Variants in TARP observed in about 807,000 individuals in gnomAD.
chr7:38,273,500 A>C, the TARP span: 1 of 1,096,268 alleles, frequency 9.1e-7, no homozygotes, highest in East Asian at 2.4e-5. Flanking sequence ...ATTAGTGACC[A>C]AGGAGGGAAT....
the TARP span, among the ~76,000 whole-genome samples, chr7:38,263,254 T>C: frequency 2.0e-5 from 3 of 151,976 alleles, no homozygotes; most frequent in Admixed American, 2.0e-4. Context: ...AAGTGAGTTG[T>C]ATTATGTATG....
At chr7:38,264,674 T>C in the TARP span, among the ~76,000 whole-genome samples, 9 of 151,650 alleles carry the variant, frequency 5.9e-5, no homozygotes, top group Non-Finnish European at 1.2e-4. Context: ...CTGTATAATA[T>C]TCACTGCCTT....
At chr7:38,272,819 CTACAATTCTCAT>C in the TARP span, among the ~76,000 whole-genome samples, 1 of 151,098 alleles carries the variant, frequency 6.6e-6, no homozygotes, top group East Asian at 1.9e-4. Context: ...AATTTGATTG[CTACAATTCTCAT>C]TAAGTCAATT....
chr7:38,267,044 A>T, the TARP span, among the ~76,000 whole-genome samples: 1 of 151,842 alleles, frequency 6.6e-6, no homozygotes, highest in Non-Finnish European at 1.5e-5. Flanking sequence ...TGTATTTTTT[A>T]TACTGGGTTT....
the TARP span, among the ~76,000 whole-genome samples, chr7:38,260,821 C>T: frequency 1.3e-5 from 2 of 151,670 alleles, no homozygotes; most frequent in African/African-American, 4.9e-5. Flanking sequence ...ACTCCCTGCC[C>T]TTGGTCAAGT....
chr7:38,266,209 T>C, the TARP span, among the ~76,000 whole-genome samples: 1 of 151,792 alleles, frequency 6.6e-6, no homozygotes, highest in Non-Finnish European at 1.5e-5. Flanking sequence ...CATTCTCATG[T>C]TCTGCAATTT....
At chr7:38,262,327 T>C in the TARP span, 1 of 794,970 alleles carries the variant, frequency 1.3e-6, no homozygotes, top group Non-Finnish European at 2.1e-6. Flanking sequence ...TTATTAAAAA[T>C]ATGAGCCCAC....
the TARP span, among the ~76,000 whole-genome samples, chr7:38,270,353 C>T: frequency 6.6e-6 from 1 of 151,612 alleles, no homozygotes; most frequent in Non-Finnish European, 1.5e-5. Context: ...AGCCATCGTC[C>T]CCATCATCAC....
At chr7:38,259,990 G>A in the TARP span, 1 of 905,214 alleles carries the variant, frequency 1.1e-6, no homozygotes, top group Non-Finnish European at 1.7e-6. Flanking sequence ...GAACTGAAAT[G>A]GCCCAAACCC....
chr7:38,268,083 C>T, the TARP span, among the ~76,000 whole-genome samples: 1 of 151,332 alleles, frequency 6.6e-6, no homozygotes, highest in Non-Finnish European at 1.5e-5. Context: ...TATTGTGGAT[C>T]ATCCTCTCAC....
chr7:38,262,191 T>C, the TARP span: 1 of 1,612,502 alleles, frequency 6.2e-7, no homozygotes, highest in Non-Finnish European at 8.5e-7. Context: ...TTTTGAACAA[T>C]TGTCTTTGGG....
the TARP span, among the ~76,000 whole-genome samples, chr7:38,262,392 A>G: frequency 1.3e-5 from 2 of 151,774 alleles, no homozygotes; most frequent in African/African-American, 4.8e-5. Context: ...TAATTCATGT[A>G]TTATGTTTTT....
chr7:38,261,888 A>C, the TARP span, among the ~76,000 whole-genome samples: 1 of 149,814 alleles, frequency 6.7e-6, no homozygotes, highest in Non-Finnish European at 1.5e-5. Context: ...AAAAAAAAAG[A>C]AAAGAAAAAG....
chr7:38,270,672 G>T, the TARP span, among the ~76,000 whole-genome samples: 1 of 151,314 alleles, frequency 6.6e-6, no homozygotes. Flanking sequence ...AAGAGGCCTG[G>T]TCCTCAAATC....
At chr7:38,272,427 A>T in the TARP span, among the ~76,000 whole-genome samples, 1 of 146,722 alleles carries the variant, frequency 6.8e-6, no homozygotes, top group African/African-American at 2.5e-5. Context: ...GTATTGAAAA[A>T]TATTAAGGAC....
chr7:38,263,167 C>G, the TARP span, among the ~76,000 whole-genome samples: 34 of 151,940 alleles, frequency 2.2e-4, no homozygotes, highest in African/African-American at 8.0e-4. Context: ...CTAACATCTA[C>G]TGAGTACTCA....
At chr7:38,263,204 G>A in the TARP span, among the ~76,000 whole-genome samples, 3 of 151,814 alleles carry the variant, frequency 2.0e-5, no homozygotes, top group Non-Finnish European at 2.9e-5. Flanking sequence ...TATGTTAAAT[G>A]CTTCCCATGC....
the TARP span, chr7:38,265,602 C>T: frequency 6.2e-7 from 1 of 1,611,666 alleles, no homozygotes; most frequent in African/African-American, 1.4e-5. Flanking sequence ...ATGTTCCAGC[C>T]TTCTGGAGCT....
chr7:38,264,539 T>A, the TARP span, among the ~76,000 whole-genome samples: 1 of 150,140 alleles, frequency 6.7e-6, no homozygotes, highest in Non-Finnish European at 1.5e-5. Flanking sequence ...TGCAGTGAGC[T>A]GAGATCATAC....
Sources: gnomAD v4.1 joint callset for allele counts (sites outside exome capture counted in the v4.1 genomes callset) on GRCh38, gnomAD v4.1.1 for gene constraint, MANE v1.5 for transcripts.